The following SDCBP2 variants were observed in gnomAD, a reference collection of about 807,000 sequenced individuals.
SDCBP2 encodes syndecan binding protein 2, also known as syntenin-2.
A neutral mutation model predicts 30.7 loss-of-function variants in SDCBP2; 28 were observed. The observed-to-expected ratio is 0.91, with a 90% CI of 0.68 to 1.25. The LOEUF is 1.25. Among genes scored for constraint, SDCBP2 ranks in the 50% most tolerant of loss-of-function variants. The pLI is 0.00. For synonymous variants in SDCBP2, 166 were observed against 157.3 expected, an observed-to-expected ratio of 1.06 and a Z score of -0.41; for missense variants, 399 against 379.0, an observed-to-expected ratio of 1.05 and a Z score of -0.44.
chr20:1,312,682 A>G lies in SDCBP2; in HGVS notation c.465T>C (p.Ile155=), dbSNP rs746451301. The part of the protein sequence containing the change: ...GLRFGDQLLQ[I]DGRDCAGWSS... The stretch of plus-strand genomic sequence containing the variant: ...TCCACCCAGCACAGTCACGCCCGTC[A>G]ATCTGCAGGAGCTGGTCCCCAAAGC... The change falls in exon 6 of 9, where the codon ATT becomes ATC. Residue 155 remains isoleucine, a synonymous_variant. Coordinates refer to ENST00000360779, the MANE Select transcript of SDCBP2 (RefSeq NM_080489.5). 3.1e-6 allele frequency: 5 copies of G among 1,614,014 alleles called. No individual in the cohort carries two copies. In the Admixed American group the frequency reaches 8.3e-5, roughly 27 times the overall value.
intron 7 of SDCBP2, 72 bp from the exon 8 acceptor site, chr20:1,310,963 G>A: frequency 8.7e-7 from 1 of 1,152,448 alleles, no homozygotes; most frequent in East Asian, 2.4e-5. Flanking sequence ...CCCCTCTGTG[G>A]AGGGATCAGC....
At chr20:1,316,014 G>C (rs2122517201) in intron 4 of SDCBP2, among the ~76,000 whole-genome samples, 1 of 152,280 alleles carries the variant, frequency 6.6e-6, no homozygotes, top group South Asian at 2.1e-4. Flanking sequence ...GAGGTGGGTG[G>C]ATCACCTGAC....
chr20:1,321,770 T>C lies in SDCBP2; in HGVS notation c.-19-1335A>G, dbSNP rs2088853495. ...CCCAGGGCCAGATGGAAATAGATTT[T>C]ATTTGACCTTGTGGAGTACTGTAAA... On this transcript the variant is annotated intron_variant, in intron 1 of 8. Transcript: ENST00000360779. This position sits in a 1 kb window ranked among gnomAD's most constrained non-coding sequence, Gnocchi z 5.2. 6.6e-6 allele frequency: 1 copy of C among 152,276 alleles called. No homozygotes were observed. The highest frequency in any genetic ancestry group is 2.4e-5 in the African/African-American group (1 of 41,458). 9.4% of individuals were successfully genotyped at this position (152,276 alleles called of 1,614,324 possible).
At chr20:1,318,454 A>G (rs1299134425) in intron 3 of SDCBP2, 36 bp from the exon 4 acceptor site, 5 of 1,374,722 alleles carry the variant, frequency 3.6e-6, no homozygotes, top group Non-Finnish European at 5.1e-6. Flanking sequence ...ATGTGTCATT[A>G]GAGGACATGT....
At chr20:1,323,003 C>CA (rs72543554) in intron 1 of SDCBP2, 1 of 126,232 alleles carries the variant, frequency 7.9e-6, no homozygotes, top group African/African-American at 3.3e-5. Context: ...TGGCAACACT[C>CA]ACCCGGCTGA....
Position 1,313,450 on chromosome 20 carries a change from C to A in SDCBP2, c.274G>T (p.Gly92Trp). The part of the protein sequence containing the change: ...GPGQMVAPVT[G>W]YSLGVRRAEI... ...GCTCGCCGCACGCCCAGGCTGTACCCGGTTACCGGTGCCACCATCTGGCCG... is the reference window on the plus strand; with the variant it reads ...GCTCGCCGCACGCCCAGGCTGTACCAGGTTACCGGTGCCACCATCTGGCCG... The change falls in exon 5 of 9, where the codon GGG (glycine) becomes TGG (tryptophan). Residue 92 changes from glycine (G) to tryptophan (W), a missense_variant. Physicochemically the swap from Gly to Trp is radical, Grantham distance 184 (BLOSUM62 -2). Transcript: ENST00000360779. The surrounding 1 kb of genome is among the most constrained non-coding windows in gnomAD (Gnocchi z 5.2). The A allele has an allele frequency of 6.2e-7, 1 of 1,600,634 alleles. No homozygotes were observed.
intron 4 of SDCBP2, among the ~76,000 whole-genome samples, chr20:1,315,415 G>C (rs1204582659): frequency 1.3e-5 from 2 of 152,198 alleles, no homozygotes; most frequent in Admixed American, 6.5e-5. Flanking sequence ...TGTGGTCCCA[G>C]ATACGCAGGA....
chr20:1,317,735 T>G, intron 4 of SDCBP2: 1 of 215,626 alleles, frequency 4.6e-6, no homozygotes, highest in African/African-American at 2.3e-5. Flanking sequence ...AACTTTGCAG[T>G]TTGTACTTTC....
In SDCBP2 at chr20:1,319,659, CCTGGGG is replaced by C. The variant is rs750050799; in HGVS notation, c.55-6_55-1del. 2 of 1,560,144 alleles carry C rather than the reference CCTGGGG, an allele frequency of 1.3e-6. No individual in the cohort carries two copies. The highest frequency in any genetic ancestry group is 2.7e-5 in the African/African-American group (2 of 74,320). ...ATCTTGGGTGAGGCTCTGACCTGGG[CCTGGGG>C]AGGAGCAGGGAGCACTGGTCAGCTG... On this transcript the variant is annotated splice_acceptor_variant and splice_polypyrimidine_tract_variant and intron_variant, in intron 2 of 8. Transcript: ENST00000360779. LOFTEE classifies it high-confidence loss of function.
At position 1,321,735 on chromosome 20, in the gene SDCBP2, A is replaced by T. The variant is rs1310192101; in HGVS notation, c.-19-1300T>A. The T allele has an allele frequency of 3.3e-5, 5 of 152,240 alleles. No individual in the cohort carries two copies. Among genetic ancestry groups the T allele is most frequent in the Non-Finnish European group, 7.3e-5 (5 of 68,058 alleles). 9.4% of individuals were successfully genotyped at this position (152,240 alleles called of 1,614,324 possible). A position where few individuals can be genotyped will look rare whatever the true frequency, so the allele number is the denominator to read the frequency against. On this transcript the variant is annotated intron_variant, in intron 1 of 8. Coordinates refer to ENST00000360779, the MANE Select transcript of SDCBP2 (RefSeq NM_080489.5). The surrounding 1 kb of genome is among the most constrained non-coding windows in gnomAD (Gnocchi z 5.2). ...CCTTCACGATTCCACCAGAGATTGGAACTGGTGGGCCCAGGGCCAGATGGA... is the reference window on the plus strand; with the variant it reads ...CCTTCACGATTCCACCAGAGATTGGTACTGGTGGGCCCAGGGCCAGATGGA...
intron 4 of SDCBP2, among the ~76,000 whole-genome samples, chr20:1,314,489 A>AAG (rs1491299396): frequency 4.4e-4 from 2 of 4,546 alleles, no homozygotes; most frequent in African/African-American, 7.9e-4. Context: ...ACTCCACCTC[A>AAG]AAAAAAAAAA....
At chr20:1,317,116 G>A (rs912524289) in intron 4 of SDCBP2, among the ~76,000 whole-genome samples, 5 of 152,172 alleles carry the variant, frequency 3.3e-5, no homozygotes, top group African/African-American at 4.8e-5. Context: ...TAACTATACA[G>A]AAGCAGCCTG....
intron 4 of SDCBP2, among the ~76,000 whole-genome samples, chr20:1,315,079 A>T (rs1293744232): frequency 6.6e-6 from 1 of 152,232 alleles, no homozygotes; most frequent in East Asian, 1.9e-4. Context: ...AGCGAGAGGA[A>T]TCACCACCAA....
At position 1,313,302 on chromosome 20, in the gene SDCBP2, G is replaced by C; in HGVS notation, c.384+38C>G. 1 of 1,595,440 alleles carries C rather than the reference G, an allele frequency of 6.3e-7. No homozygotes were observed. The highest frequency in any genetic ancestry group is 2.3e-5 in the East Asian group (1 of 44,306). On this transcript the variant is annotated intron_variant, in intron 5 of 8. Coordinates refer to ENST00000360779, the MANE Select transcript of SDCBP2 (RefSeq NM_080489.5). The surrounding 1 kb of genome is among the most constrained non-coding windows in gnomAD (Gnocchi z 5.2). ...GAGGCCTGGCGGGAGAGCGCGTGCA[G>C]CTCGAGCTCCTCTTCCCACCCAGCC...
chr20:1,327,771 T>C (rs2088950935), intron 1 of SDCBP2, among the ~76,000 whole-genome samples: 1 of 152,248 alleles, frequency 6.6e-6, no homozygotes, highest in South Asian at 2.1e-4. Context: ...GGAAAGCATT[T>C]AGCACAGCAC....
At position 1,313,348 on chromosome 20, in the gene SDCBP2, C is replaced by A. The variant is rs927158790; in HGVS notation, c.376G>T (p.Val126Phe). ...RGKTGLRLRK[V>F]DQGLFVQLVQ... is the part of the protein sequence containing the mutation. ...CAGCCCCCGCGCCCTACCTGGTCGA[C>A]CTTCCGCAGCCTCAGCCCGGTCTTG... The change falls in exon 5 of 9, where the codon GTC (valine) becomes TTC (phenylalanine). Residue 126 changes from valine to phenylalanine, a missense_variant. By Grantham distance (50) the Val-to-Phe change is conservative. Coordinates refer to ENST00000360779, the MANE Select transcript of SDCBP2 (RefSeq NM_080489.5). This position sits in a 1 kb window ranked among gnomAD's most constrained non-coding sequence, Gnocchi z 5.2. 6.2e-7 allele frequency: 1 copy of A among 1,611,426 alleles called. No homozygotes were observed. The highest frequency in any genetic ancestry group is 1.7e-5 in the Admixed American group (1 of 59,952).
intron 7 of SDCBP2, 36 bp downstream of exon 7, chr20:1,312,301 C>G: frequency 6.2e-7 from 1 of 1,601,042 alleles, no homozygotes; most frequent in South Asian, 1.1e-5. Context: ...CCTCCCACCA[C>G]CCGGCAGTCC....
chr20:1,319,235 A>T (rs1223513880), intron 3 of SDCBP2, among the ~76,000 whole-genome samples: 1 of 152,196 alleles, frequency 6.6e-6, no homozygotes, highest in Non-Finnish European at 1.5e-5. Context: ...AATCGTTTAT[A>T]TAGACAGAGG....
intron 8 of SDCBP2, 92 bp from the exon 9 acceptor site, chr20:1,310,587 T>G (rs2088647859): frequency 7.8e-7 from 1 of 1,276,150 alleles, no homozygotes; most frequent in Non-Finnish European, 1.1e-6. Flanking sequence ...GCATCCCATG[T>G]GGGCCTTCAC....
Sources: gnomAD v4.1 joint callset for allele counts (sites outside exome capture counted in the v4.1 genomes callset) on GRCh38, gnomAD v4.1.1 for gene constraint, Gnocchi (gnomAD v3.1) non-coding constraint, MANE v1.5 for transcripts, NCBI Gene and HGNC (gene_info 2026-07-23, HGNC 2026-07-21) for gene names.